Variants in WASHC5 observed in about 807,000 individuals in gnomAD.
WASHC5 encodes WASH complex subunit strumpellin.
In WASHC5, 101 loss-of-function variants were observed where a neutral mutation model predicts 150.4. The observed-to-expected ratio is 0.67, with a 90% CI of 0.57 to 0.79. WASHC5 has a LOEUF of 0.79. WASHC5 is among the 30% of genes least tolerant of loss of function. WASHC5 has a pLI of 0.00. For missense variants in WASHC5, 1,195 were observed against 1,396.3 expected (o/e 0.86, Z 2.30); for synonymous variants, 467 against 491.2 (o/e 0.95, Z 0.65).
At chr8:125,066,299 A>G (rs1190341818) in intron 10 of WASHC5, among the ~76,000 whole-genome samples, 1 of 152,198 alleles carries the variant, frequency 6.6e-6, no homozygotes, top group East Asian at 1.9e-4. Context: ...TGAGCTACTT[A>G]GTAGGGGAAT....
chr8:125,080,257 C>G (rs1268456332), intron 5 of WASHC5, among the ~76,000 whole-genome samples: 3 of 145,054 alleles, frequency 2.1e-5, no homozygotes, highest in African/African-American at 7.4e-5. Context: ...CAAAACTGGG[C>G]TTCATAAGCC....
At chr8:125,084,068 G>A in intron 1 of WASHC5, 46 bp from the exon 2 acceptor site, 1 of 675,184 alleles carries the variant, frequency 1.5e-6, no homozygotes, top group East Asian at 2.8e-5. Context: ...GTTTAAGGAA[G>A]CACATGTGTA....
At chr8:125,079,581 G>A (rs1216114826) in intron 5 of WASHC5, among the ~76,000 whole-genome samples, 1 of 152,026 alleles carries the variant, frequency 6.6e-6, no homozygotes, top group Admixed American at 6.5e-5. Flanking sequence ...CTTAGGAGTG[G>A]ATTTGTTTCG....
In WASHC5 at chr8:125,024,443, G is replaced by C. The variant is rs988541084; in HGVS notation, c.*174C>G. On this transcript the variant is annotated 3_prime_UTR_variant, in exon 29 of 29. Coordinates refer to ENST00000318410, the MANE Select transcript of WASHC5 (RefSeq NM_014846.4). Reference sequence around the variant, plus strand: ...TAATACCATGATTTAAACAATATCAGTTATATTAACTAATGCCATGAGATA... The same window carrying C: ...TAATACCATGATTTAAACAATATCACTTATATTAACTAATGCCATGAGATA... 2.3e-5 allele frequency: 15 copies of C among 655,718 alleles called. No homozygotes were observed. The African/African-American group carries it at 2.7e-4, about 12-fold the overall frequency. 40.6% of individuals were successfully genotyped at this position (655,718 alleles called of 1,614,324 possible).
At chr8:125,058,673 G>C (rs1005684669) in intron 14 of WASHC5, among the ~76,000 whole-genome samples, 5 of 152,148 alleles carry the variant, frequency 3.3e-5, no homozygotes, top group Middle Eastern at 3.4e-3. Flanking sequence ...GCTTGAACCC[G>C]GGAGGAGGAG....
intron 6 of WASHC5, among the ~76,000 whole-genome samples, chr8:125,077,257 G>A (rs1034418021): frequency 2.6e-5 from 4 of 152,204 alleles, no homozygotes; most frequent in Admixed American, 6.5e-5. Flanking sequence ...CACAGGAAGC[G>A]GCTGGGGCTG....
In WASHC5 at chr8:125,055,683, A is replaced by G. The variant is rs762223062; in HGVS notation, c.2017-12T>C. Reference sequence around the variant, plus strand: ...GTAAGCTTGGCAACCTATAACAAAGAAAAAGAGGTATGAAAAATCACTGTC... The same window carrying G: ...GTAAGCTTGGCAACCTATAACAAAGGAAAAGAGGTATGAAAAATCACTGTC... On this transcript the variant is annotated splice_polypyrimidine_tract_variant and intron_variant, in intron 16 of 28. Coordinates refer to ENST00000318410, the MANE Select transcript of WASHC5 (RefSeq NM_014846.4). 1 of 1,509,996 alleles carries G rather than the reference A, an allele frequency of 6.6e-7. No homozygotes were observed. The highest frequency in any genetic ancestry group is 9.2e-7 in the Non-Finnish European group (1 of 1,085,460). 93.5% of individuals were successfully genotyped at this position (1,509,996 alleles called of 1,614,324 possible).
At chr8:125,049,964 T>C (rs980657982) in intron 18 of WASHC5, among the ~76,000 whole-genome samples, 1 of 151,822 alleles carries the variant, frequency 6.6e-6, no homozygotes, top group African/African-American at 2.4e-5. Context: ...ATGTCAGACA[T>C]TCAGCAAATA....
intron 17 of WASHC5, among the ~76,000 whole-genome samples, chr8:125,053,915 G>A (rs1220327756): frequency 3.3e-5 from 5 of 152,154 alleles, no homozygotes; most frequent in African/African-American, 4.8e-5. Context: ...GATATAAGCC[G>A]TTAAGTCCCA....
At chr8:125,030,494 G>A (rs1392530786) in intron 27 of WASHC5, among the ~76,000 whole-genome samples, 5 of 152,016 alleles carry the variant, frequency 3.3e-5, no homozygotes, top group East Asian at 3.9e-4. Context: ...TGCAGCTCAC[G>A]GGAAATAACG....
At chr8:125,048,280 T>C (rs956583621) in intron 19 of WASHC5, among the ~76,000 whole-genome samples, 7 of 152,226 alleles carry the variant, frequency 4.6e-5, no homozygotes, top group Non-Finnish European at 8.8e-5. Context: ...AGTTCCCACA[T>C]GAAAACTTGC....
At chr8:125,044,131 A>G (rs772650713) in intron 21 of WASHC5, 37 bp from the exon 22 acceptor site, 3 of 1,365,358 alleles carry the variant, frequency 2.2e-6, no homozygotes, top group Non-Finnish European at 3.1e-6. Flanking sequence ...AACCAAACAT[A>G]ATGAATTAAA....
chr8:125,079,122 A>G (rs1222280088), intron 5 of WASHC5, among the ~76,000 whole-genome samples, 192 bp from the exon 6 acceptor site: 8 of 116,032 alleles, frequency 6.9e-5, no homozygotes, highest in South Asian at 6.2e-4. Context: ...GTGTGTATAT[A>G]TATATATATA....
intron 23 of WASHC5, among the ~76,000 whole-genome samples, chr8:125,042,690 G>A (rs1441302583): frequency 6.6e-6 from 1 of 152,048 alleles, no homozygotes; most frequent in African/African-American, 2.4e-5. Flanking sequence ...GTCCAAACTC[G>A]GGTGATTCTT....
rs1160474542 is a variant in WASHC5, at chr8:125,063,788, A to G, written c.1279-137T>C. The G allele has an allele frequency of 4.7e-5, 36 of 761,982 alleles. 1 individual carries two copies. The Admixed American group carries it at 8.3e-4, about 18-fold the overall frequency. The allele number at this position is 761,982 out of a possible 1,614,324, so 47.2% of individuals were successfully genotyped here. A position where few individuals can be genotyped will look rare whatever the true frequency, so the allele number is the denominator to read the frequency against. ...ATAAATTAACATTGACCCTGATGTC[A>G]TCTCCTCAGGCACTGATACTTTGCA... On this transcript the variant is annotated intron_variant, in intron 10 of 28. Coordinates refer to ENST00000318410, the MANE Select transcript of WASHC5 (RefSeq NM_014846.4).
intron 18 of WASHC5, 37 bp downstream of exon 18, chr8:125,050,527 C>T (rs779747325): frequency 2.9e-5 from 42 of 1,441,876 alleles, no homozygotes; most frequent in African/African-American, 7.0e-5. Context: ...GCAAGCTGGG[C>T]GGAGAAGAGG....
chr8:125,075,798 GC>G (rs1177348551), intron 7 of WASHC5, among the ~76,000 whole-genome samples: 1 of 152,168 alleles, frequency 6.6e-6, no homozygotes, highest in Non-Finnish European at 1.5e-5. Flanking sequence ...TTTTGTTAAA[GC>G]CTCTTTGTTT....
rs563795659 is a variant in WASHC5 at position 125,091,731 on chromosome 8, C to T, written c.-241G>A. On this transcript the variant is annotated 5_prime_UTR_variant, in exon 1 of 29. Transcript: ENST00000318410. The stretch of plus-strand genomic sequence containing the variant: ...GTCCTCTTCTATCCGCAGTCCCGGA[C>T]CTGGAGCGGGTCAGACCCCGACTTC... 147 of 152,504 alleles carry T rather than the reference C, an allele frequency of 9.6e-4. No homozygotes were observed. The highest frequency in any genetic ancestry group is 3.3e-3 in the African/African-American group (136 of 41,586). 9.4% of individuals were successfully genotyped at this position (152,504 alleles called of 1,614,324 possible).
At position 125,037,638 on chromosome 8, in the gene WASHC5, G is replaced by A. The variant is rs535132724; in HGVS notation, c.3085-305C>T. Among the ~76,000 whole-genome samples the A allele has an allele frequency of 1.6e-4, 24 of 152,226 alleles. No individual in the cohort carries two copies. In the South Asian group the frequency reaches 5.0e-3, roughly 32 times the overall value. On this transcript the variant is annotated intron_variant, in intron 25 of 28. Transcript: ENST00000318410. ...GGAGGAATGAGTGATGAGCAAGAAT[G>A]GGAGGGGAAGGCAAAATGAAGAGCA...
Sources: gnomAD v4.1 joint callset for allele counts (sites outside exome capture counted in the v4.1 genomes callset) on GRCh38, gnomAD v4.1.1 for gene constraint, MANE v1.5 for transcripts, NCBI Gene and HGNC (gene_info 2026-07-23, HGNC 2026-07-21) for gene names.